Variants in WNT7B observed in about 807,000 individuals in gnomAD.
WNT7B encodes the protein Wnt family member 7B, also known as protein Wnt-7b.
Under a neutral mutation model 38.2 loss-of-function variants are expected in WNT7B, and 19 were observed. The ratio of observed to expected loss-of-function variants is 0.50; its 90% confidence interval spans 0.35 to 0.73. The LOEUF is 0.73. WNT7B is among the 30% of genes least tolerant of loss of function. The pLI is 0.01. For missense variants in WNT7B, 423 were observed against 507.9 expected, an observed-to-expected ratio of 0.83 and a Z score of 1.61; for synonymous variants, 243 against 209.3, an observed-to-expected ratio of 1.16 and a Z score of -1.39.
chr22:45,934,010 C>T (rs539687855), intron 2 of WNT7B, among the ~76,000 whole-genome samples: 5 of 152,252 alleles, frequency 3.3e-5, no homozygotes, highest in Non-Finnish European at 4.4e-5. Context: ...CCAGCAACAG[C>T]GTAGCCCACC....
chr22:45,938,347 A>G (rs1162317891), intron 2 of WNT7B, among the ~76,000 whole-genome samples: 1 of 152,178 alleles, frequency 6.6e-6, no homozygotes, highest in Non-Finnish European at 1.5e-5. Flanking sequence ...GTTAAGAGGT[A>G]CAAAGATGGC....
chr22:45,954,673 G>A (rs557165285), intron 1 of WNT7B: 42 of 985,372 alleles, frequency 4.3e-5, no homozygotes, highest in Non-Finnish European at 4.8e-5. Flanking sequence ...CTCCTGCACT[G>A]TATTTTGTGC....
chr22:45,925,430 G>A, intron 3 of WNT7B: 1 of 985,274 alleles, frequency 1.0e-6, no homozygotes, highest in Non-Finnish European at 1.2e-6. Context: ...AGGGTGGGAG[G>A]AGCCCGGGTG....
intron 1 of WNT7B, among the ~76,000 whole-genome samples, chr22:45,964,942 G>A (rs1407925998): frequency 6.6e-6 from 1 of 152,100 alleles, no homozygotes; most frequent in Non-Finnish European, 1.5e-5. Flanking sequence ...TGCAGCTGGT[G>A]GGCAGGACCA....
intron 1 of WNT7B, among the ~76,000 whole-genome samples, chr22:45,956,310 C>G (rs148718271): frequency 6.6e-6 from 1 of 152,210 alleles, no homozygotes; most frequent in Non-Finnish European, 1.5e-5. Flanking sequence ...CAGCACGGGC[C>G]GCTGGCCTGC....
intron 1 of WNT7B, among the ~76,000 whole-genome samples, chr22:45,955,675 G>C (rs971707790): frequency 6.6e-6 from 1 of 152,190 alleles, no homozygotes. Flanking sequence ...GCACTGAATG[G>C]GGCCTCGGGA....
chr22:45,956,525 T>C (rs1414497130), intron 1 of WNT7B, among the ~76,000 whole-genome samples: 3 of 152,196 alleles, frequency 2.0e-5, no homozygotes, highest in Non-Finnish European at 4.4e-5. Context: ...CCACCACCGA[T>C]GGGTCCACGC....
At chr22:45,952,556 C>A (rs931332586) in intron 1 of WNT7B, among the ~76,000 whole-genome samples, 1 of 152,262 alleles carries the variant, frequency 6.6e-6, no homozygotes, top group Admixed American at 6.5e-5. Flanking sequence ...GGATGGGAAC[C>A]CTGCCGGGCA....
intron 3 of WNT7B, chr22:45,925,483 A>C (rs1931054969): frequency 1.0e-6 from 1 of 985,066 alleles, no homozygotes. Context: ...TTGCAGGGCT[A>C]AGGGGCATCT....
intron 1 of WNT7B, among the ~76,000 whole-genome samples, chr22:45,968,245 G>C (rs1229944779): frequency 6.6e-6 from 1 of 152,138 alleles, no homozygotes; most frequent in African/African-American, 2.4e-5. Context: ...GCCCTAGGGG[G>C]TCCACCACTC....
chr22:45,939,250 C>T (rs368304596), intron 2 of WNT7B, among the ~76,000 whole-genome samples: 24 of 152,192 alleles, frequency 1.6e-4, no homozygotes, highest in African/African-American at 5.1e-4. Flanking sequence ...AAAACTTAAA[C>T]GTAGGGTCAC....
intron 3 of WNT7B, chr22:45,925,670 C>T (rs1220332872): frequency 1.0e-5 from 10 of 985,436 alleles, no homozygotes; most frequent in Non-Finnish European, 1.2e-5. Context: ...ACTAACCTGC[C>T]CTTCAGGCCT....
rs117838410 is a variant in WNT7B at position 45,940,561 on chromosome 22, G to A, written c.299-9192C>T. Among the ~76,000 whole-genome samples, 125 of 152,356 alleles carry A rather than the reference G, an allele frequency of 8.2e-4. 2 individuals carry two copies. In the East Asian group the frequency reaches 0.019, roughly 23 times the overall value. ...GGCTGGACCTCCCAGAATCCCAGGGGTGAGGCTCTCAGCCTCCCATCCATC... is the reference window on the plus strand; with the variant it reads ...GGCTGGACCTCCCAGAATCCCAGGGATGAGGCTCTCAGCCTCCCATCCATC... On this transcript the variant is annotated intron_variant, in intron 2 of 3. Coordinates refer to ENST00000339464, the MANE Select transcript of WNT7B (RefSeq NM_058238.3).
chr22:45,927,615 G>A (rs1183474434), intron 3 of WNT7B: 3 of 872,030 alleles, frequency 3.4e-6, no homozygotes, highest in Non-Finnish European at 3.8e-6. Flanking sequence ...ATGGAACAGG[G>A]CCAGGTGCAG....
chr22:45,941,330 C>A (rs930593122), intron 2 of WNT7B, among the ~76,000 whole-genome samples: 37 of 152,086 alleles, frequency 2.4e-4, no homozygotes, highest in African/African-American at 6.5e-4. Flanking sequence ...GCCAACATGG[C>A]GAAACCCCGT....
intron 1 of WNT7B, among the ~76,000 whole-genome samples, chr22:45,955,398 G>A (rs548522282): frequency 2.0e-5 from 3 of 152,232 alleles, no homozygotes; most frequent in Non-Finnish European, 1.5e-5. Context: ...CCAGAGAGCC[G>A]TGCGGGTAGT....
chr22:45,960,040 C>T (rs1041788179), intron 1 of WNT7B, among the ~76,000 whole-genome samples: 12 of 152,208 alleles, frequency 7.9e-5, no homozygotes, highest in African/African-American at 2.7e-4. Context: ...CAGCATGCCC[C>T]GCTCTGCCCC....
chr22:45,948,011 A>G (rs1226020471), intron 2 of WNT7B, among the ~76,000 whole-genome samples: 1 of 152,106 alleles, frequency 6.6e-6, no homozygotes, highest in East Asian at 1.9e-4. Flanking sequence ...GTCCCAAATA[A>G]AGTCCAAGCT....
chr22:45,970,458 A>G (rs968752106), intron 1 of WNT7B, among the ~76,000 whole-genome samples: 9 of 151,896 alleles, frequency 5.9e-5, no homozygotes, highest in Non-Finnish European at 1.3e-4. Flanking sequence ...GAGGCCCCTC[A>G]CTGCTGCCTT....
Sources: allele counts gnomAD v4.1 joint callset (sites outside exome capture counted in the v4.1 genomes callset), GRCh38; gene constraint gnomAD v4.1.1; transcripts MANE v1.5; gene names NCBI Gene and HGNC (gene_info 2026-07-23, HGNC 2026-07-21).